FETUB: variants seen among roughly 807,000 people sequenced by gnomAD.
FETUB encodes fetuin B.
Under a neutral mutation model 30.9 loss-of-function variants are expected in FETUB, and 28 were observed. The ratio of observed to expected loss-of-function variants is 0.90; its 90% confidence interval spans 0.67 to 1.24. FETUB has a LOEUF of 1.24. Ranked by LOEUF, FETUB falls within the 50% of genes most tolerant of loss-of-function variation. The pLI is 0.00. For synonymous variants in FETUB, 186 were observed against 175.9 expected (o/e 1.06, Z -0.45); for missense variants, 469 against 455.3 (o/e 1.03, Z -0.27).
In FETUB at chr3:186,649,134, C is replaced by T. The variant is rs1367726505; in HGVS notation, c.697-2084C>T. Among the ~76,000 whole-genome samples the T allele has an allele frequency of 3.3e-5, 5 of 152,296 alleles. No individual in the cohort carries two copies. The South Asian group carries it at 6.2e-4, about 19-fold the overall frequency. Reference sequence around the variant, plus strand: ...TGGCCAGATCTCCTTGGTGCAAGTACCTGCAGTTTCTCCAGAAGGTTCTCT... The same window carrying T: ...TGGCCAGATCTCCTTGGTGCAAGTATCTGCAGTTTCTCCAGAAGGTTCTCT... On this transcript the variant is annotated intron_variant, in intron 5 of 6. Coordinates refer to ENST00000265029, the MANE Select transcript of FETUB (RefSeq NM_014375.3).
intron 1 of FETUB, 79 bp downstream of exon 1, chr3:186,640,764 A>T: frequency 8.5e-7 from 1 of 1,175,298 alleles, no homozygotes; most frequent in South Asian, 1.2e-5. Flanking sequence ...GAACCCAGAG[A>T]CACCCTGGCA....
intron 6 of FETUB, chr3:186,651,572 T>A (rs1167426324): frequency 9.5e-6 from 4 of 418,934 alleles, no homozygotes; most frequent in Non-Finnish European, 1.7e-5. Flanking sequence ...GACATTAAAT[T>A]CAGCGTCCCA....
chr3:186,639,241 G>C (rs146513407), upstream of FETUB, among the ~76,000 whole-genome samples: 13 of 152,258 alleles, frequency 8.5e-5, no homozygotes, highest in African/African-American at 3.1e-4. Flanking sequence ...CTTTTATCAG[G>C]AACTCACTTT....
upstream of FETUB, among the ~76,000 whole-genome samples, chr3:186,636,428 G>A (rs114685622): frequency 2.0e-5 from 3 of 152,294 alleles, no homozygotes; most frequent in African/African-American, 7.2e-5. Flanking sequence ...GATGAGTGGC[G>A]GAGCTGGGAT....
upstream of FETUB, among the ~76,000 whole-genome samples, chr3:186,636,538 TCC>T (rs1417023681): frequency 3.9e-5 from 6 of 152,208 alleles, no homozygotes; most frequent in Non-Finnish European, 8.8e-5. Flanking sequence ...TATTTTTGAT[TCC>T]GAAAAGTGTT....
Position 186,641,125 on chromosome 3 carries a change from G to A in FETUB, c.321G>A (p.Arg107=). 6.2e-7 allele frequency: 1 copy of A among 1,610,426 alleles called. No individual in the cohort carries two copies. Among genetic ancestry groups the A allele is most frequent in the Non-Finnish European group, 8.5e-7 (1 of 1,176,908 alleles). The change falls in exon 2 of 7, where the codon AGG becomes AGA. Residue 107 remains arginine, a synonymous_variant. Transcript: ENST00000265029. The part of the protein sequence containing the change: ...RKKAWQDCGM[R]IFFESVYGQC... ...AGGCATGGCAAGACTGTGGAATGAG[G>A]ATATTTTTTGAATCAGTGAGTGCTT...
chr3:186,652,152 A>C, intron 6 of FETUB, 111 bp from the exon 7 acceptor site: 1 of 1,253,254 alleles, frequency 8.0e-7, no homozygotes, highest in Non-Finnish European at 1.1e-6. Context: ...CCCTCTACCT[A>C]GTCTCCCTTT....
chr3:186,651,458 A>G (rs1399351004), intron 6 of FETUB, 157 bp downstream of exon 6: 1 of 633,250 alleles, frequency 1.6e-6, no homozygotes, highest in Non-Finnish European at 2.9e-6. Context: ...TAGCCAGTCA[A>G]AGACCTGTTA....
intron 5 of FETUB, among the ~76,000 whole-genome samples, chr3:186,648,215 C>G (rs1410314619): frequency 6.6e-6 from 1 of 152,172 alleles, no homozygotes; most frequent in East Asian, 1.9e-4. Flanking sequence ...TGAACTTCCA[C>G]TGTTTCCAGC....
Position 186,640,702 on chromosome 3 carries a change from C to A in FETUB, c.225+17C>A. 1.9e-6 allele frequency: 3 copies of A among 1,600,264 alleles called. No individual in the cohort carries two copies. The highest frequency in any genetic ancestry group is 2.2e-5 in the South Asian group (2 of 90,764). On this transcript the variant is annotated intron_variant, in intron 1 of 6. Coordinates refer to ENST00000265029, the MANE Select transcript of FETUB (RefSeq NM_014375.3). ...TACAGACGGGCAAGTAGGGACAGTT[C>A]CCACTCTGGGGCAGGGATGTGGGCA... is the stretch of plus-strand genomic sequence containing the variant.
chr3:186,640,888 C>T, intron 1 of FETUB, 142 bp from the exon 2 acceptor site: 1 of 671,614 alleles, frequency 1.5e-6, no homozygotes, highest in Non-Finnish European at 2.6e-6. Context: ...CCTACTCTGA[C>T]ACTTGTGTCA....
intron 4 of FETUB, among the ~76,000 whole-genome samples, chr3:186,645,937 G>T (rs1161153574): frequency 6.6e-6 from 1 of 150,972 alleles, no homozygotes; most frequent in Non-Finnish European, 1.5e-5. Context: ...ATGTTGGCCA[G>T]GATGGTCTTG....
chr3:186,644,147 C>A (rs1717299088), intron 3 of FETUB, among the ~76,000 whole-genome samples: 1 of 152,094 alleles, frequency 6.6e-6, no homozygotes, highest in Admixed American at 6.5e-5. Context: ...ACCCTTCTAG[C>A]TATTTGAAAT....
intron 5 of FETUB, chr3:186,646,939 A>G (rs1039310772): frequency 2.0e-5 from 3 of 152,178 alleles, no homozygotes; most frequent in Non-Finnish European, 4.4e-5. Context: ...CACCATCACC[A>G]CTTTCTTATT....
rs754483854 is a variant in FETUB, at chr3:186,642,526, A to G, written c.392A>G (p.Tyr131Cys). The change falls in exon 3 of 7, where the codon TAT becomes TGT. Residue 131 changes from tyrosine (Y) to cysteine (C), a missense_variant. Transcript: ENST00000265029. ...ATGAACAACCCAAGTAGAGTTCTCT[A>G]TTTAGCTGCTTATAACTGTACTCTT... ...FYMNNPSRVL[Y>C]LAAYNCTLRP... is the part of the protein sequence containing the mutation. 33 of 1,608,296 alleles carry G rather than the reference A, an allele frequency of 2.1e-5. 1 individual carries two copies. In the Admixed American group the frequency reaches 2.2e-4, roughly 11 times the overall value.
intron 4 of FETUB, among the ~76,000 whole-genome samples, chr3:186,645,239 A>G (rs1560023329): frequency 6.6e-6 from 1 of 152,186 alleles, no homozygotes; most frequent in Non-Finnish European, 1.5e-5. Flanking sequence ...AATGTGACTG[A>G]TCGTGGACCA....
intron 6 of FETUB, 42 bp downstream of exon 6, chr3:186,651,343 C>T (rs1333636197): frequency 7.6e-7 from 1 of 1,321,354 alleles, no homozygotes; most frequent in East Asian, 2.3e-5. Flanking sequence ...TGAAGAAGAG[C>T]AGATTATCGA....
In FETUB at chr3:186,644,782, T is replaced by C; in HGVS notation, c.456T>C (p.Pro152=). The C allele has an allele frequency of 1.9e-6, 3 of 1,608,208 alleles. No individual in the cohort carries two copies. The highest frequency in any genetic ancestry group is 2.2e-5 in the East Asian group (1 of 44,854). ...AAAAAAAGATTTACATGACGTGCCC[T>C]GACTGCCCAAGCTCCATACCCACTG... ...VSKKKIYMTC[P]DCPSSIPTDS... Residue 152 remains proline (P), a synonymous_variant, in exon 4 of 7, where the codon CCT becomes CCC. Transcript: ENST00000265029.
At chr3:186,648,307 G>T (rs775662572) in intron 5 of FETUB, among the ~76,000 whole-genome samples, 12 of 152,224 alleles carry the variant, frequency 7.9e-5, no homozygotes, top group Middle Eastern at 3.4e-3. Context: ...ATAAATGTAA[G>T]AGTTTATTTC....
Sources: gnomAD v4.1 joint callset for allele counts (sites outside exome capture counted in the v4.1 genomes callset) on GRCh38, gnomAD v4.1.1 for gene constraint, MANE v1.5 for transcripts, NCBI Gene and HGNC (gene_info 2026-07-23, HGNC 2026-07-21) for gene names.